Variants in OPA1 observed in about 807,000 individuals in gnomAD.
The protein encoded by OPA1 is dynamin-like GTPase OPA1, mitochondrial.
OPA1 carries 59 observed loss-of-function variants against 152.9 expected under a neutral mutation model. That is an observed-to-expected ratio of 0.39 (90% CI 0.31 to 0.48). The LOEUF (loss-of-function observed/expected upper bound fraction) is 0.48. Among genes scored for constraint, OPA1 ranks in the 20% least tolerant of loss-of-function variants. The pLI is 0.96. For missense variants in OPA1, 1,008 were observed against 1,216.8 expected, an observed-to-expected ratio of 0.83 and a Z score of 2.55; for synonymous variants, 400 against 389.9, an observed-to-expected ratio of 1.03 and a Z score of -0.31.
chr3:193,692,010 G>T, intron 29 of OPA1, 53 bp from the exon 30 acceptor site: 1 of 1,107,430 alleles, frequency 9.0e-7, no homozygotes, highest in South Asian at 1.4e-5. Flanking sequence ...ATTACCTCCT[G>T]ATTTGTGATA....
chr3:193,615,494 C>CA (rs1283105969), intron 2 of OPA1, among the ~76,000 whole-genome samples, 180 bp from the exon 3 acceptor site: 1 of 152,208 alleles, frequency 6.6e-6, no homozygotes, highest in Non-Finnish European at 1.5e-5. Flanking sequence ...CCATATTTAA[C>CA]AGAGGAGTGT....
At chr3:193,689,634 T>C (rs1721403445) in intron 29 of OPA1, among the ~76,000 whole-genome samples, 1 of 152,154 alleles carries the variant, frequency 6.6e-6, no homozygotes, top group Non-Finnish European at 1.5e-5. Flanking sequence ...GAATAGTCTC[T>C]TGTAGGGAGT....
intron 29 of OPA1, among the ~76,000 whole-genome samples, chr3:193,671,030 T>C (rs777801751): frequency 3.3e-5 from 5 of 152,088 alleles, no homozygotes; most frequent in Non-Finnish European, 5.9e-5. Flanking sequence ...AGTAACAAAT[T>C]GTAACTCATT....
At chr3:193,674,509 A>G (rs1057428511) in intron 29 of OPA1, among the ~76,000 whole-genome samples, 13 of 152,386 alleles carry the variant, frequency 8.5e-5, no homozygotes, top group Non-Finnish European at 1.6e-4. Context: ...GAAATGTATC[A>G]TAACTGCTTA....
chr3:193,613,834 T>C (rs1174225241), intron 1 of OPA1: 4 of 482,524 alleles, frequency 8.3e-6, no homozygotes, highest in South Asian at 3.1e-5. Context: ...CACCTCAGCC[T>C]CCCAAAGTGC....
chr3:193,661,987 A>T (rs1238064361), intron 25 of OPA1, among the ~76,000 whole-genome samples: 3 of 152,050 alleles, frequency 2.0e-5, no homozygotes, highest in Non-Finnish European at 2.9e-5. Context: ...GTCTACTCAG[A>T]TTTCATAGCT....
In OPA1 at chr3:193,631,481, A is replaced by AAATTACT; in HGVS notation, c.790-130_790-124dup. 4 of 622,134 alleles carry AAATTACT rather than the reference A, an allele frequency of 6.4e-6. No individual in the cohort carries two copies. In the South Asian group the frequency reaches 9.4e-5, roughly 15 times the overall value. 38.5% of individuals were successfully genotyped at this position (622,134 alleles called of 1,614,324 possible). A position where few individuals can be genotyped will look rare whatever the true frequency, so the allele number is the denominator to read the frequency against. ...TTACTTTCTTAAATCACTTGATTTA[A>AAATTACT]AATTACTTTGATTAAATATGCATAT... On this transcript the variant is annotated intron_variant, in intron 7 of 30. Transcript: ENST00000361510.
Position 193,655,030 on chromosome 3 carries a change from T to C in OPA1, c.2178+3T>C. On this transcript the variant is annotated splice_donor_region_variant and intron_variant, in intron 22 of 30. Coordinates refer to ENST00000361510, the MANE Select transcript of OPA1 (RefSeq NM_130837.3). ...AACTTCCTAATAAAGCAGTAGAGGT[T>C]AGGATATAATTTAATTAAATGGGTA... The C allele has an allele frequency of 6.2e-7, 1 of 1,613,044 alleles. No homozygotes were observed. The highest frequency in any genetic ancestry group is 8.5e-7 in the Non-Finnish European group (1 of 1,179,168).
chr3:193,664,519 GT>G (rs1014340795), intron 26 of OPA1, among the ~76,000 whole-genome samples: 2 of 151,948 alleles, frequency 1.3e-5, no homozygotes, highest in Non-Finnish European at 2.9e-5. Flanking sequence ...TTCTAACTCT[GT>G]TTTTAGATAA....
At position 193,617,233 on chromosome 3, in the gene OPA1, C is replaced by G. The variant is rs1262531072; in HGVS notation, c.504C>G (p.Asp168Glu). Residue 168 changes from aspartate (D) to glutamate (E), a missense_variant, in exon 4 of 31, where the codon GAC becomes GAG. Asp to Glu is a conservative substitution (Grantham distance 45). Transcript: ENST00000361510. ...SSEDLVKLAP[D>E]FDKIVESLSL... ...AAGACCTTGTAAAGTTAGCACCAGA[C>G]TTTGACAAGATTGTTGAAAGCCTTA... is the stretch of plus-strand genomic sequence containing the variant. The G allele has an allele frequency of 1.9e-6, 3 of 1,613,272 alleles. No individual in the cohort carries two copies. Among genetic ancestry groups the G allele is most frequent in the Non-Finnish European group, 2.5e-6 (3 of 1,179,394 alleles).
Position 193,659,496 on chromosome 3 carries a change from G to GA in OPA1, c.2459dup (p.Asn820LysfsTer26). ...TTTTTTTCTAGCTGAAAATGCAATT[G>GA]AAAACATGGTGGGTCCAGACTGGAA... On this transcript the variant is annotated frameshift_variant, in exon 25 of 31. Transcript: ENST00000361510. LOFTEE classifies it high-confidence loss of function. 6.2e-7 allele frequency: 1 copy of GA among 1,610,574 alleles called. No homozygotes were observed. Among genetic ancestry groups the GA allele is most frequent in the Non-Finnish European group, 8.5e-7 (1 of 1,178,018 alleles).
At chr3:193,606,693 T>A (rs1391862997) in intron 1 of OPA1, among the ~76,000 whole-genome samples, 8 of 152,194 alleles carry the variant, frequency 5.3e-5, no homozygotes. Context: ...TGGTTCCAAG[T>A]CTTTGCTATT....
At chr3:193,600,607 G>T (rs1726314669) in intron 1 of OPA1, among the ~76,000 whole-genome samples, 1 of 152,124 alleles carries the variant, frequency 6.6e-6, no homozygotes, top group Non-Finnish European at 1.5e-5. Flanking sequence ...GCAGTATTGG[G>T]GTCTGATTGG....
intron 11 of OPA1, among the ~76,000 whole-genome samples, chr3:193,642,367 T>A (rs975722701): frequency 6.6e-6 from 1 of 152,218 alleles, no homozygotes; most frequent in African/African-American, 2.4e-5. Context: ...GTTGAATGAA[T>A]GAATTGTCCT....
chr3:193,680,338 G>A (rs897395846), intron 29 of OPA1, among the ~76,000 whole-genome samples: 10 of 152,162 alleles, frequency 6.6e-5, no homozygotes, highest in African/African-American at 2.4e-4. Context: ...ATTTATAACA[G>A]TTTGACAGCA....
rs1240077324 is a variant in OPA1, at chr3:193,697,748, G to A, written c.*3148G>A. The stretch of plus-strand genomic sequence containing the variant: ...AACCGGTGCTTTTTTTCACATCGTG[G>A]TACTTGTCAAAACATTTTGTTATTT... On this transcript the variant is annotated 3_prime_UTR_variant, in exon 31 of 31. Coordinates refer to ENST00000361510, the MANE Select transcript of OPA1 (RefSeq NM_130837.3). The A allele has an allele frequency of 1.3e-5, 2 of 152,024 alleles. No homozygotes were observed. The highest frequency in any genetic ancestry group is 2.1e-4 in the South Asian group (1 of 4,822). The allele number at this position is 152,024 out of a possible 1,614,324, so 9.4% of individuals were successfully genotyped here.
Position 193,654,995 on chromosome 3 carries a change from A to G in OPA1, c.2146A>G (p.Thr716Ala). The change falls in exon 22 of 31, where the codon ACT (threonine) becomes GCT (alanine). Residue 716 changes from threonine (T) to alanine (A), a missense_variant. By Grantham distance (58) the Thr-to-Ala change is moderately conservative. Around this residue, in one of 7 missense-constraint regions of OPA1, gnomAD observed 229 missense variants for 269.0 expected, o/e 0.85. Transcript: ENST00000361510. ...TTVDIKLKQWTDKQLPNKAVE... is the reference protein window; with the variant it reads ...TTVDIKLKQWADKQLPNKAVE... ...AGTGGATATCAAGCTTAAACAGTGG[A>G]CTGATAAACAACTTCCTAATAAAGC... 4.3e-6 allele frequency: 7 copies of G among 1,613,946 alleles called. No individual in the cohort carries two copies. The highest frequency in any genetic ancestry group is 5.9e-6 in the Non-Finnish European group (7 of 1,179,908).
intron 16 of OPA1, 104 bp from the exon 17 acceptor site, chr3:193,645,449 C>A: frequency 1.3e-6 from 1 of 747,418 alleles, no homozygotes; most frequent in Non-Finnish European, 2.2e-6. Context: ...ATTTATTTAA[C>A]TATATACATG....
chr3:193,662,483 A>G (rs1715507574), intron 25 of OPA1, among the ~76,000 whole-genome samples: 1 of 152,190 alleles, frequency 6.6e-6, no homozygotes, highest in African/African-American at 2.4e-5. Flanking sequence ...GATTCAAATT[A>G]TACCCTACGG....
Sources: allele counts gnomAD v4.1 joint callset (sites outside exome capture counted in the v4.1 genomes callset), GRCh38; gene constraint gnomAD v4.1.1; regional missense constraint gnomAD v4.1.1; transcripts MANE v1.5; gene names NCBI Gene and HGNC (gene_info 2026-07-23, HGNC 2026-07-21).